Variants in MAGI2 observed in about 807,000 individuals in gnomAD.
MAGI2 encodes the protein membrane-associated guanylate kinase, WW and PDZ domain-containing protein 2.
In MAGI2, 35 loss-of-function variants were observed where a neutral mutation model predicts 133.3. That is an observed-to-expected ratio of 0.26 (90% CI 0.20 to 0.35). MAGI2 has a LOEUF of 0.35. Among genes scored for constraint, MAGI2 ranks in the 10% least tolerant of loss-of-function variants. The pLI, the probability that MAGI2 is intolerant of heterozygous loss-of-function variation, is 1.00. For missense variants in MAGI2, 1,636 were observed against 1,863.4 expected, an observed-to-expected ratio of 0.88 and a Z score of 2.25; for synonymous variants, 729 against 710.6, an observed-to-expected ratio of 1.03 and a Z score of -0.41.
At chr7:79,408,891 A>G (rs1366820944) in intron 1 of MAGI2, among the ~76,000 whole-genome samples, 1 of 152,202 alleles carries the variant, frequency 6.6e-6, no homozygotes, top group Non-Finnish European at 1.5e-5. Flanking sequence ...ATTCAAATCA[A>G]TGCCTTGAAC....
At chr7:78,848,105 C>T (rs1482284139) in intron 2 of MAGI2, among the ~76,000 whole-genome samples, 1 of 151,838 alleles carries the variant, frequency 6.6e-6, no homozygotes, top group Non-Finnish European at 1.5e-5. Flanking sequence ...GACCTCTCCC[C>T]CTGAACTCTC....
intron 2 of MAGI2, among the ~76,000 whole-genome samples, chr7:78,907,535 T>A (rs1036569373): frequency 6.6e-6 from 1 of 152,180 alleles, no homozygotes; most frequent in Non-Finnish European, 1.5e-5. Context: ...TAAAATTCAG[T>A]CTGATTTTTT....
intron 18 of MAGI2, among the ~76,000 whole-genome samples, chr7:78,130,953 C>T (rs1465948368): frequency 6.6e-6 from 1 of 152,194 alleles, no homozygotes; most frequent in African/African-American, 2.4e-5. Flanking sequence ...TTGTTCTCCC[C>T]TCAGAGCTAT....
chr7:79,144,099 T>C (rs1276679959), intron 1 of MAGI2, among the ~76,000 whole-genome samples: 1 of 152,208 alleles, frequency 6.6e-6, no homozygotes, highest in Admixed American at 6.5e-5. Context: ...ATCATTGTAC[T>C]TACCTCATTG....
At chr7:78,913,353 C>A (rs1270262854) in intron 2 of MAGI2, among the ~76,000 whole-genome samples, 1 of 152,060 alleles carries the variant, frequency 6.6e-6, no homozygotes. Flanking sequence ...AAGTGTGTTG[C>A]ACTTTTGCCT....
chr7:79,372,407 T>G (rs1484940997), intron 1 of MAGI2, among the ~76,000 whole-genome samples: 3 of 152,116 alleles, frequency 2.0e-5, no homozygotes, highest in African/African-American at 7.2e-5. Context: ...CTCTAGAAAG[T>G]TGTAAATTAC....
At chr7:78,764,486 G>T (rs1824813617) in intron 2 of MAGI2, among the ~76,000 whole-genome samples, 1 of 152,294 alleles carries the variant, frequency 6.6e-6, no homozygotes, top group East Asian at 1.9e-4. Context: ...ACTTAGGAAA[G>T]GAAATGTGAG....
chr7:79,384,420 GAT>G (rs1481481327), intron 1 of MAGI2, among the ~76,000 whole-genome samples: 2 of 150,354 alleles, frequency 1.3e-5, no homozygotes, highest in Non-Finnish European at 3.0e-5. Flanking sequence ...GGATAAATGG[GAT>G]ATACTTTTAT....
chr7:78,223,673 T>C (rs904568910), intron 10 of MAGI2, among the ~76,000 whole-genome samples: 22 of 152,156 alleles, frequency 1.4e-4, no homozygotes, highest in Non-Finnish European at 4.4e-5. Flanking sequence ...ACCAAAACCA[T>C]TTACTGTAAT....
intron 2 of MAGI2, among the ~76,000 whole-genome samples, chr7:78,647,601 T>C (rs1811034524): frequency 6.6e-6 from 1 of 152,138 alleles, no homozygotes; most frequent in Non-Finnish European, 1.5e-5. Flanking sequence ...TCCTCAAGGA[T>C]CTAAAACTAG....
intron 1 of MAGI2, among the ~76,000 whole-genome samples, chr7:79,056,299 A>G (rs909584522): frequency 2.0e-5 from 3 of 152,144 alleles, no homozygotes; most frequent in African/African-American, 7.2e-5. Context: ...GCAGGAGTTC[A>G]AGGCTGCTTC....
At chr7:79,250,068 C>T (rs1833120138) in intron 1 of MAGI2, among the ~76,000 whole-genome samples, 1 of 151,978 alleles carries the variant, frequency 6.6e-6, no homozygotes, top group African/African-American at 2.4e-5. Context: ...GATAAAAAAG[C>T]ATTTAGTAAA....
chr7:78,883,235 G>A lies in MAGI2; in HGVS notation c.418+123855C>T, dbSNP rs115265334. 3.1e-3 allele frequency among the ~76,000 whole-genome samples: 466 copies of A among 151,936 alleles called. 5 individuals are homozygous for A. The highest frequency in any genetic ancestry group is 0.011 in the African/African-American group (444 of 41,428). On this transcript the variant is annotated intron_variant, in intron 2 of 21. Coordinates refer to ENST00000354212, the MANE Select transcript of MAGI2 (RefSeq NM_012301.4). ...CCCAAGCTGAGAGACAAATCAAGAC[G>A]CAATCCCATTTGTAATAGACACACA...
At chr7:78,963,363 A>G (rs188284202) in intron 2 of MAGI2, among the ~76,000 whole-genome samples, 2 of 152,150 alleles carry the variant, frequency 1.3e-5, no homozygotes, top group Non-Finnish European at 2.9e-5. Flanking sequence ...TGATATTTCA[A>G]TTGGAGTAGT....
chr7:78,844,913 T>C (rs1792461175), intron 2 of MAGI2, among the ~76,000 whole-genome samples: 1 of 151,964 alleles, frequency 6.6e-6, no homozygotes, highest in Non-Finnish European at 1.5e-5. Flanking sequence ...ATCATATTGA[T>C]GCCATCTCCA....
intron 1 of MAGI2, among the ~76,000 whole-genome samples, chr7:79,341,691 T>C (rs1158710596): frequency 6.6e-6 from 1 of 152,166 alleles, no homozygotes; most frequent in Admixed American, 6.5e-5. Flanking sequence ...AAGACCAGGA[T>C]GGGGATCCTA....
Position 79,060,320 on chromosome 7 carries a change from A to G in MAGI2, c.302-53114T>C, listed in dbSNP as rs938309284. Among the ~76,000 whole-genome samples, 9 of 152,170 alleles carry G rather than the reference A, an allele frequency of 5.9e-5. No homozygotes were observed. In the East Asian group the frequency reaches 7.7e-4, roughly 13 times the overall value. On this transcript the variant is annotated intron_variant, in intron 1 of 21. Coordinates refer to ENST00000354212, the MANE Select transcript of MAGI2 (RefSeq NM_012301.4). ...GAAAAGTACATACAATATGGCCCCA[A>G]TTTTATGCAATTATCTTTTTCATGC...
chr7:79,333,151 T>G (rs1398962526), intron 1 of MAGI2, among the ~76,000 whole-genome samples: 3 of 152,170 alleles, frequency 2.0e-5, no homozygotes, highest in Non-Finnish European at 4.4e-5. Flanking sequence ...TTTTCTTTTT[T>G]CTTTTTCTGT....
chr7:78,731,528 T>A (rs1487757074), intron 2 of MAGI2, among the ~76,000 whole-genome samples: 1 of 152,142 alleles, frequency 6.6e-6, no homozygotes, highest in Non-Finnish European at 1.5e-5. Context: ...ATCCCTAATA[T>A]ATACTAGCTG....
Sources: allele counts gnomAD v4.1 joint callset (sites outside exome capture counted in the v4.1 genomes callset), GRCh38; gene constraint gnomAD v4.1.1; transcripts MANE v1.5; gene names NCBI Gene and HGNC (gene_info 2026-07-23, HGNC 2026-07-21).